Variants in TVP23C observed in about 807,000 individuals in gnomAD.
The protein encoded by TVP23C is trans-golgi network vesicle protein 23 homolog C.
Under a neutral mutation model 28.7 loss-of-function variants are expected in TVP23C, and 19 were observed. The ratio of observed to expected loss-of-function variants is 0.66; its 90% CI spans 0.46 to 0.97. TVP23C has a LOEUF of 0.97. TVP23C is among the 50% of genes least tolerant of loss of function. The probability of loss-of-function intolerance (pLI) is 0.00; values close to 1 mark genes in which losing one functional copy is unlikely to be tolerated. For missense variants in TVP23C, 186 were observed against 241.3 expected, an observed-to-expected ratio of 0.77 and a Z score of 1.52; for synonymous variants, 68 against 81.7, an observed-to-expected ratio of 0.83 and a Z score of 0.90.
intron 5 of TVP23C, among the ~76,000 whole-genome samples, chr17:15,508,448 G>A (rs1210787553): frequency 6.6e-6 from 1 of 152,192 alleles, no homozygotes; most frequent in Non-Finnish European, 1.5e-5. Context: ...GCCAAGGTAG[G>A]CAGCATCCCG....
chr17:15,525,959 G>C (rs892879787), intron 5 of TVP23C, among the ~76,000 whole-genome samples: 2 of 152,184 alleles, frequency 1.3e-5, no homozygotes, highest in East Asian at 3.9e-4. Flanking sequence ...AAGAGTCAAA[G>C]AGATTAAGTA....
chr17:15,516,607 C>T (rs1262948181), intron 5 of TVP23C: 1 of 152,118 alleles, frequency 6.6e-6, no homozygotes, highest in African/African-American at 2.4e-5. Context: ...ACCCATATGA[C>T]CTCATTTTAT....
chr17:15,554,919 G>C (rs929158702), intron 2 of TVP23C, among the ~76,000 whole-genome samples: 1 of 152,152 alleles, frequency 6.6e-6, no homozygotes, highest in Non-Finnish European at 1.5e-5. Context: ...AATTTATTTA[G>C]AGAGAATTAA....
chr17:15,536,570 A>G (rs1283121989), downstream of TVP23C, among the ~76,000 whole-genome samples: 1 of 152,146 alleles, frequency 6.6e-6, no homozygotes, highest in Non-Finnish European at 1.5e-5. Flanking sequence ...CTCCTACCAC[A>G]TGCATATTCT....
rs1983620482 is a variant in TVP23C, at chr17:15,545,815, A to G, written c.432T>C (p.Ser144=). The G allele has an allele frequency of 6.2e-7, 1 of 1,614,076 alleles. No homozygotes were observed. Among genetic ancestry groups the G allele is most frequent in the Non-Finnish European group, 8.5e-7 (1 of 1,179,980 alleles). Residue 144 remains serine, a synonymous_variant, in exon 5 of 6, where the codon AGT becomes AGC. Transcript: ENST00000518321. ...CSVLWVIFAF[S]ALFSFTVKWL... is the part of the protein sequence containing the mutation. ...ACTTTACTGTGAAGGAGAAGAGTGCACTAAAGGCAAATATCACCCACAGTA... is the reference window on the plus strand; with the variant it reads ...ACTTTACTGTGAAGGAGAAGAGTGCGCTAAAGGCAAATATCACCCACAGTA...
intron 5 of TVP23C, among the ~76,000 whole-genome samples, chr17:15,523,525 T>A (rs1982575708): frequency 6.6e-6 from 1 of 151,106 alleles, no homozygotes; most frequent in African/African-American, 2.4e-5. Context: ...GCCAGGCTAG[T>A]CTTGAACTCT....
chr17:15,502,668 C>T lies in TVP23C; in HGVS notation c.*196G>A, dbSNP rs942586286. On this transcript the variant is annotated 3_prime_UTR_variant, in exon 6 of 6. Transcript: ENST00000225576. ...ACCACGCTGCTGCCTCTCTTCTGCC[C>T]TTTTCCCCTTAGTTTTACAAGTTCC... 2.6e-5 allele frequency: 25 copies of T among 976,538 alleles called. No individual in the cohort carries two copies. In the African/African-American group the frequency reaches 3.9e-4, roughly 15 times the overall value. 60.5% of individuals were successfully genotyped at this position (976,538 alleles called of 1,614,324 possible). A position where few individuals can be genotyped will look rare whatever the true frequency, so the allele number is the denominator to read the frequency against.
chr17:15,517,183 C>T (rs1982265041), intron 5 of TVP23C, among the ~76,000 whole-genome samples: 1 of 152,184 alleles, frequency 6.6e-6, no homozygotes, highest in African/African-American at 2.4e-5. Flanking sequence ...TTTCCGCCTC[C>T]CTGTCACCCC....
intron 5 of TVP23C, among the ~76,000 whole-genome samples, chr17:15,523,374 G>A (rs372928668): frequency 7.9e-5 from 12 of 151,250 alleles, no homozygotes; most frequent in African/African-American, 2.2e-4. Flanking sequence ...GCAGTGGCAC[G>A]ATCTCAGCTC....
At chr17:15,551,597 C>T (rs1345563901) in intron 3 of TVP23C, among the ~76,000 whole-genome samples, 2 of 152,120 alleles carry the variant, frequency 1.3e-5, no homozygotes, top group Non-Finnish European at 1.5e-5. Flanking sequence ...TGCCCACAGG[C>T]CTCATGCTGC....
Position 15,559,627 on chromosome 17 carries a change from TGG to T in TVP23C, c.12+3808_12+3809del, listed in dbSNP as rs567114407. ...GGACAAAAGCACAACGCTAGGAGAC[TGG>T]TTAGGAAACTACTTTAATCACGAGG... On this transcript the variant is annotated intron_variant, in intron 1 of 5. Transcript: ENST00000518321. 6.7e-5 allele frequency among the ~76,000 whole-genome samples: 10 copies of T among 148,822 alleles called. No homozygotes were observed. The East Asian group carries it at 2.0e-3, about 29-fold the overall frequency.
downstream of TVP23C, among the ~76,000 whole-genome samples, chr17:15,536,212 G>C (rs546741467): frequency 1.3e-5 from 2 of 152,190 alleles, no homozygotes; most frequent in African/African-American, 2.4e-5. Context: ...ATTCAGACAA[G>C]TAGTTCAGGG....
At chr17:15,559,702 G>A (rs2109104) in intron 1 of TVP23C, among the ~76,000 whole-genome samples, 23 of 148,850 alleles carry the variant, frequency 1.5e-4, no homozygotes, top group African/African-American at 3.9e-4. Context: ...GAGGTGATGA[G>A]AAATAGATTC....
chr17:15,519,180 T>C (rs1263383491), intron 5 of TVP23C, among the ~76,000 whole-genome samples: 1 of 152,158 alleles, frequency 6.6e-6, no homozygotes, highest in African/African-American at 2.4e-5. Flanking sequence ...AACAGACTAA[T>C]ACATCTTTCA....
intron 5 of TVP23C, among the ~76,000 whole-genome samples, chr17:15,524,063 GGTGTGTGTGTGTGTGTGTGTGTGT>G (rs10578424): frequency 7.3e-6 from 1 of 136,262 alleles, no homozygotes; most frequent in Non-Finnish European, 1.6e-5. Context: ...AGCAGAGTGG[GGTGTGTGTGTGTGTGTGTGTGTGT>G]GTGTGTGTGT....
Position 15,553,536 on chromosome 17 carries a change from A to C in TVP23C, c.240+149T>G, listed in dbSNP as rs1354084834. The C allele has an allele frequency of 8.0e-5, 87 of 1,082,110 alleles. 1 individual carries two copies. Among genetic ancestry groups the C allele is most frequent in the Non-Finnish European group, 9.6e-5 (78 of 808,914 alleles). 67.0% of individuals were successfully genotyped at this position (1,082,110 alleles called of 1,614,324 possible). A position where few individuals can be genotyped will look rare whatever the true frequency, so the allele number is the denominator to read the frequency against. ...AGGGAAAAAATGAAAAAAAAAAAAA[A>C]AAACTACATGCAATTTGATATATCT... is the stretch of plus-strand genomic sequence containing the variant. On this transcript the variant is annotated intron_variant, in intron 3 of 5. Transcript: ENST00000518321.
At chr17:15,502,887 G>C in exon 6 of TVP23C, 1 of 1,591,880 alleles carries the variant, frequency 6.3e-7, no homozygotes, top group Non-Finnish European at 8.6e-7. Flanking sequence ...GATGCCAGAT[G>C]AAATTTTGGC....
intron 5 of TVP23C, among the ~76,000 whole-genome samples, chr17:15,528,873 C>T (rs943869200): frequency 1.3e-5 from 2 of 151,756 alleles, no homozygotes; most frequent in East Asian, 3.9e-4. Flanking sequence ...GCTGGGATTA[C>T]AGAAATCAGC....
At chr17:15,544,164 A>C (rs1046430767) in intron 5 of TVP23C, among the ~76,000 whole-genome samples, 1 of 152,134 alleles carries the variant, frequency 6.6e-6, no homozygotes, top group Non-Finnish European at 1.5e-5. Flanking sequence ...AAATGATGGA[A>C]TAGCATCCTC....
Sources: gnomAD v4.1 joint callset for allele counts (sites outside exome capture counted in the v4.1 genomes callset) on GRCh38, gnomAD v4.1.1 for gene constraint, MANE v1.5 for transcripts, NCBI Gene and HGNC (gene_info 2026-07-23, HGNC 2026-07-21) for gene names.